RBMS3: variants seen among roughly 807,000 people sequenced by gnomAD.
RBMS3 encodes the protein RNA binding motif single stranded interacting protein 3, also known as RNA-binding motif, single-stranded-interacting protein 3.
Under a neutral mutation model 66.8 loss-of-function variants are expected in RBMS3, and 27 were observed. That is an observed-to-expected ratio of 0.40 (90% CI 0.30 to 0.56). The LOEUF (loss-of-function observed/expected upper bound fraction) is 0.56, where lower values mean the gene tolerates loss of function less well. RBMS3 is among the 20% of genes least tolerant of loss of function. The probability of loss-of-function intolerance (pLI) is 0.40; values close to 1 mark genes in which losing one functional copy is unlikely to be tolerated. For missense variants in RBMS3, 513 were observed against 549.5 expected (o/e 0.93, Z 0.66); for synonymous variants, 188 against 183.0 (o/e 1.03, Z -0.22).
intron 1 of RBMS3, among the ~76,000 whole-genome samples, chr3:29,339,500 A>G (rs1461393395): frequency 6.6e-6 from 1 of 152,104 alleles, no homozygotes; most frequent in Non-Finnish European, 1.5e-5. Context: ...ATTATTAAGC[A>G]AAGGATCAGG....
At chr3:29,319,536 A>G (rs1276420586) in intron 1 of RBMS3, among the ~76,000 whole-genome samples, 1 of 151,982 alleles carries the variant, frequency 6.6e-6, no homozygotes, top group Non-Finnish European at 1.5e-5. Flanking sequence ...GCCAGCAACT[A>G]CTGTGGGCCA....
chr3:29,556,929 G>A (rs1369965676), intron 3 of RBMS3, among the ~76,000 whole-genome samples: 4 of 152,074 alleles, frequency 2.6e-5, no homozygotes, highest in Admixed American at 6.6e-5. Flanking sequence ...GATAAACTCT[G>A]AGGTATGACG....
chr3:29,341,407 T>G (rs1189595092), intron 1 of RBMS3, among the ~76,000 whole-genome samples: 2 of 152,176 alleles, frequency 1.3e-5, no homozygotes, highest in Admixed American at 6.6e-5. Context: ...CTTATTTGTA[T>G]TAATTCTAAA....
At chr3:29,873,860 T>G (rs1577046849) in intron 7 of RBMS3, among the ~76,000 whole-genome samples, 1 of 152,132 alleles carries the variant, frequency 6.6e-6, no homozygotes, top group East Asian at 1.9e-4. Context: ...GTTTTTTGTC[T>G]TTAGTTCTGT....
chr3:29,639,666 T>G (rs2049620685), intron 4 of RBMS3, among the ~76,000 whole-genome samples: 1 of 151,226 alleles, frequency 6.6e-6, no homozygotes, highest in Non-Finnish European at 1.5e-5. Flanking sequence ...AGTGTCACTG[T>G]AAAAGCTGGC....
chr3:29,728,938 A>G (rs917001055), intron 4 of RBMS3, among the ~76,000 whole-genome samples: 2 of 152,114 alleles, frequency 1.3e-5, no homozygotes, highest in African/African-American at 2.4e-5. Flanking sequence ...ACACAAGAGA[A>G]CATTTTGTAT....
intron 3 of RBMS3, among the ~76,000 whole-genome samples, chr3:29,497,741 TC>T (rs2043808171): frequency 6.6e-6 from 1 of 152,010 alleles, no homozygotes; most frequent in African/African-American, 2.4e-5. Context: ...GATTATAAAC[TC>T]CCTGGGACCC....
At chr3:29,455,142 C>A (rs557253155) in intron 2 of RBMS3, among the ~76,000 whole-genome samples, 1 of 152,226 alleles carries the variant, frequency 6.6e-6, no homozygotes, top group South Asian at 2.1e-4. Flanking sequence ...TTTGCAGGAT[C>A]GTTCGCCACA....
At chr3:29,412,096 T>A (rs1169764664) in intron 1 of RBMS3, among the ~76,000 whole-genome samples, 2 of 152,234 alleles carry the variant, frequency 1.3e-5, no homozygotes, top group Non-Finnish European at 2.9e-5. Context: ...ATTGCAAACA[T>A]CTTATGAGCT....
intron 3 of RBMS3, among the ~76,000 whole-genome samples, chr3:29,578,601 T>A (rs2149079299): frequency 6.6e-6 from 1 of 152,012 alleles, no homozygotes; most frequent in Middle Eastern, 3.4e-3. Flanking sequence ...ACAATTGTAG[T>A]TAGATAGAAC....
intron 6 of RBMS3, among the ~76,000 whole-genome samples, chr3:29,816,639 T>C (rs986362214): frequency 2.0e-5 from 3 of 152,172 alleles, no homozygotes; most frequent in Non-Finnish European, 2.9e-5. Flanking sequence ...AATATAAATA[T>C]ATTATTATCG....
At chr3:29,317,072 G>A (rs527665943) in intron 1 of RBMS3, among the ~76,000 whole-genome samples, 323 of 151,720 alleles carry the variant, frequency 2.1e-3, no homozygotes, top group Middle Eastern at 3.4e-3. Flanking sequence ...CGTTTTTAGG[G>A]ATAAAAGGAG....
At chr3:29,379,455 A>G (rs1366173873) in intron 1 of RBMS3, among the ~76,000 whole-genome samples, 3 of 152,218 alleles carry the variant, frequency 2.0e-5, no homozygotes, top group Non-Finnish European at 4.4e-5. Context: ...GACAATTTAC[A>G]GAAGGAGTTT....
rs542161903 is a variant in RBMS3, at chr3:29,809,790, C to A, written c.637+46801C>A. Among the ~76,000 whole-genome samples, 4 of 152,006 alleles carry A rather than the reference C, an allele frequency of 2.6e-5. No homozygotes were observed. The South Asian group carries it at 8.3e-4, about 32-fold the overall frequency. ...AGACTGATATTTCCTGTGAAGGCAG[C>A]AGTTTAGGCCGAAATGCTTTCTAAT... On this transcript the variant is annotated intron_variant, in intron 6 of 14. Coordinates refer to ENST00000383767, the MANE Select transcript of RBMS3 (RefSeq NM_001003793.3).
intron 2 of RBMS3, among the ~76,000 whole-genome samples, chr3:29,473,986 C>T (rs1470330739): frequency 1.3e-5 from 2 of 152,236 alleles, no homozygotes; most frequent in African/African-American, 4.8e-5. Context: ...CCTCAAGCGC[C>T]ACCAAAGTGG....
intron 1 of RBMS3, among the ~76,000 whole-genome samples, chr3:29,337,854 G>A (rs1220111331): frequency 2.0e-5 from 3 of 152,120 alleles, no homozygotes; most frequent in African/African-American, 7.2e-5. Flanking sequence ...TGTTTGATAA[G>A]CCTGATCTTT....
intron 4 of RBMS3, among the ~76,000 whole-genome samples, chr3:29,687,928 C>T (rs754503676): frequency 5.3e-5 from 8 of 151,938 alleles, no homozygotes; most frequent in Non-Finnish European, 8.8e-5. Context: ...TACAGTATGC[C>T]CAGATTATAG....
At chr3:29,548,818 A>G (rs2046072221) in intron 3 of RBMS3, among the ~76,000 whole-genome samples, 1 of 152,012 alleles carries the variant, frequency 6.6e-6, no homozygotes, top group Non-Finnish European at 1.5e-5. Context: ...CTCTTAACCC[A>G]ATATTTCTAC....
chr3:29,887,639 A>G (rs922363960), intron 8 of RBMS3, among the ~76,000 whole-genome samples: 3 of 151,738 alleles, frequency 2.0e-5, no homozygotes, highest in Non-Finnish European at 2.9e-5. Context: ...GTGGTATGAA[A>G]ACAGACTAAT....
Sources: gnomAD v4.1 joint callset for allele counts (sites outside exome capture counted in the v4.1 genomes callset) on GRCh38, gnomAD v4.1.1 for gene constraint, MANE v1.5 for transcripts, NCBI Gene and HGNC (gene_info 2026-07-23, HGNC 2026-07-21) for gene names.